Variants in DNAI7 observed in about 807,000 individuals in gnomAD.
The protein encoded by DNAI7 is cancer susceptibility 1.
In DNAI7, 78 loss-of-function variants were observed where a neutral mutation model predicts 86.6. That is an observed-to-expected ratio of 0.90 (90% CI 0.75 to 1.09). The LOEUF (loss-of-function observed/expected upper bound fraction) is 1.09. DNAI7 is among the 50% of genes least tolerant of loss of function. The pLI is 0.00. For synonymous variants in DNAI7, 274 were observed against 273.0 expected (o/e 1.00, Z -0.04); for missense variants, 753 against 810.2 (o/e 0.93, Z 0.86).
chr12:25,117,352 A>ATG (rs1210153564), intron 12 of DNAI7, among the ~76,000 whole-genome samples: 2 of 152,218 alleles, frequency 1.3e-5, no homozygotes, highest in Admixed American at 1.3e-4. Context: ...AATACAAAAT[A>ATG]TTTAAACTTC....
At chr12:25,184,202 C>A (rs1440106439) in intron 2 of DNAI7, among the ~76,000 whole-genome samples, 1 of 152,158 alleles carries the variant, frequency 6.6e-6, no homozygotes, top group African/African-American at 2.4e-5. Context: ...AGTTGTGTAA[C>A]CATCACCACA....
At chr12:25,169,845 C>G (rs1947923265) in intron 2 of DNAI7, among the ~76,000 whole-genome samples, 1 of 119,662 alleles carries the variant, frequency 8.4e-6, no homozygotes, top group African/African-American at 4.5e-5. Flanking sequence ...AAGACTCTGT[C>G]TCAAAAAAAA....
chr12:25,135,905 G>T (rs11047853), intron 9 of DNAI7, among the ~76,000 whole-genome samples: 103,717 of 151,672 alleles, frequency 0.68, 39,520 homozygotes, highest in East Asian at 0.99. Flanking sequence ...CCACCTGATG[G>T]TCTTTCTTTA....
At chr12:25,136,266 T>A (rs1565689128) in intron 9 of DNAI7, among the ~76,000 whole-genome samples, 1 of 152,194 alleles carries the variant, frequency 6.6e-6, no homozygotes, top group Non-Finnish European at 1.5e-5. Flanking sequence ...AGTACCAACC[T>A]GGAGCGCAGT....
downstream of DNAI7, chr12:25,107,976 A>C (rs749575042): frequency 3.7e-6 from 6 of 1,614,188 alleles, no homozygotes; most frequent in Non-Finnish European, 5.1e-6. Context: ...CCGCTCCCAC[A>C]CAGCAAGAGG....
At chr12:25,138,075 A>T in intron 9 of DNAI7, among the ~76,000 whole-genome samples, 1 of 152,218 alleles carries the variant, frequency 6.6e-6, no homozygotes, top group East Asian at 1.9e-4. Flanking sequence ...CACTCTACTC[A>T]ACCACTGCAG....
intron 13 of DNAI7, among the ~76,000 whole-genome samples, chr12:25,113,938 G>GTTTTTTTTTTTTT (rs112532652): frequency 3.6e-5 from 3 of 82,834 alleles, no homozygotes; most frequent in African/African-American, 1.5e-4. Context: ...TTCTTTCTGG[G>GTTTTTTTTTTTTT]TTTTTTTTTT....
At chr12:25,164,334 A>G (rs763066859) in intron 2 of DNAI7, among the ~76,000 whole-genome samples, 10 of 151,662 alleles carry the variant, frequency 6.6e-5, no homozygotes, top group Non-Finnish European at 1.5e-4. Context: ...CTGGGGCGCA[A>G]GAACCCCCCA....
At chr12:25,180,604 T>C (rs142127776) in intron 2 of DNAI7, among the ~76,000 whole-genome samples, 20 of 152,024 alleles carry the variant, frequency 1.3e-4, no homozygotes, top group African/African-American at 3.9e-4. Context: ...TGGAACACAA[T>C]AGAGAACCCA....
downstream of DNAI7, chr12:25,107,675 A>G (rs567362911): frequency 6.5e-5 from 48 of 742,682 alleles, no homozygotes; most frequent in African/African-American, 7.9e-4. Flanking sequence ...TTCCAAAACC[A>G]AAATGATAAA....
intron 6 of DNAI7, among the ~76,000 whole-genome samples, chr12:25,152,357 G>A (rs1303028086): frequency 6.6e-6 from 1 of 152,190 alleles, no homozygotes; most frequent in East Asian, 1.9e-4. Context: ...AATGCCAACG[G>A]CAAATGATTT....
chr12:25,109,943 G>T (rs1449825861), intron 15 of DNAI7, among the ~76,000 whole-genome samples, 184 bp downstream of exon 15: 1 of 152,128 alleles, frequency 6.6e-6, no homozygotes, highest in African/African-American at 2.4e-5. Context: ...CTCCCATAGT[G>T]CTGGGATTAC....
At chr12:25,140,956 G>A (rs1565702372) in intron 9 of DNAI7, among the ~76,000 whole-genome samples, 1 of 152,062 alleles carries the variant, frequency 6.6e-6, no homozygotes, top group African/African-American at 2.4e-5. Flanking sequence ...AACATAAAGT[G>A]GGGGAAAGGA....
intron 13 of DNAI7, among the ~76,000 whole-genome samples, 196 bp downstream of exon 13, chr12:25,114,458 CAT>C: frequency 6.6e-6 from 1 of 152,318 alleles, no homozygotes; most frequent in South Asian, 2.1e-4. Flanking sequence ...TTGCTATTTA[CAT>C]GTTATTGCCT....
chr12:25,150,400 C>T (rs536571782), intron 6 of DNAI7, among the ~76,000 whole-genome samples: 384 of 151,978 alleles, frequency 2.5e-3, no homozygotes, highest in Non-Finnish European at 4.4e-3. Flanking sequence ...GTCAGGAGAT[C>T]AAGACTATCC....
In DNAI7 at chr12:25,163,499, G is replaced by A. The variant is rs149771127; in HGVS notation, c.22-2302C>T. 3.5e-3 allele frequency among the ~76,000 whole-genome samples: 535 copies of A among 152,018 alleles called. 4 individuals are homozygous for A. Among genetic ancestry groups the A allele is most frequent in the African/African-American group, 0.012 (514 of 41,458 alleles). The stretch of plus-strand genomic sequence containing the variant: ...TTTACCTACGCAAATCTTATAAAAC[G>A]GCCCTACCCCTATCTCCCTTCGCTG... On this transcript the variant is annotated intron_variant, in intron 2 of 15. Transcript: ENST00000395987.
At position 25,153,431 on chromosome 12, in the gene DNAI7, TTAAA is replaced by T. The variant is rs142105233; in HGVS notation, c.438+884_438+887del. ...GCGAGATGCCGTCTCAAAAAATTAA[TTAAA>T]TAAATAAATAAATAAAAATTCTTAG... On this transcript the variant is annotated intron_variant, in intron 6 of 15. Coordinates refer to ENST00000395987, the MANE Select transcript of DNAI7 (RefSeq NM_018272.5). 7.1e-3 allele frequency among the ~76,000 whole-genome samples: 1,081 copies of T among 152,112 alleles called. 12 individuals carry two copies. Among genetic ancestry groups the T allele is most frequent in the African/African-American group, 0.025 (1,030 of 41,452 alleles).
At chr12:25,113,082 G>C (rs1260396727) in intron 13 of DNAI7, among the ~76,000 whole-genome samples, 1 of 152,136 alleles carries the variant, frequency 6.6e-6, no homozygotes, top group Non-Finnish European at 1.5e-5. Flanking sequence ...GAATGGTGCA[G>C]GGAAGCCTGA....
intron 13 of DNAI7, among the ~76,000 whole-genome samples, chr12:25,114,080 G>A (rs1227926603): frequency 6.6e-6 from 1 of 151,484 alleles, no homozygotes; most frequent in Non-Finnish European, 1.5e-5. Context: ...TGAGTAGCTG[G>A]GATTACAGGT....
Sources: gnomAD v4.1 joint callset for allele counts (sites outside exome capture counted in the v4.1 genomes callset) on GRCh38, gnomAD v4.1.1 for gene constraint, MANE v1.5 for transcripts, NCBI Gene and HGNC (gene_info 2026-07-23, HGNC 2026-07-21) for gene names.